The following TDRD12 variants were observed in gnomAD, a reference collection of about 807,000 sequenced individuals.
The protein encoded by TDRD12 is tudor domain containing 12.
In TDRD12, 158 loss-of-function variants were observed where a neutral mutation model predicts 133.5. The observed-to-expected ratio is 1.18, with a 90% CI of 1.04 to 1.35. TDRD12 has a LOEUF of 1.35. Ranked by LOEUF, TDRD12 falls within the 40% of genes most tolerant of loss-of-function variation. The pLI is 0.00. For synonymous variants in TDRD12, 460 were observed against 477.9 expected, an observed-to-expected ratio of 0.96 and a Z score of 0.49; for missense variants, 1,443 against 1,321.3, an observed-to-expected ratio of 1.09 and a Z score of -1.43.
chr19:32,797,900 C>G lies in TDRD12; in HGVS notation c.1630+9C>G, dbSNP rs1250343953. ...AAAGCTTCCAAGGGGCTGTAAGTATCCTTTTCAAGCGGCTATAAAAGTTAA... is the reference window on the plus strand; with the variant it reads ...AAAGCTTCCAAGGGGCTGTAAGTATGCTTTTCAAGCGGCTATAAAAGTTAA... On this transcript the variant is annotated intron_variant, in intron 15 of 27. Coordinates refer to ENST00000444215, the Ensembl canonical transcript of TDRD12. 1 of 682,226 alleles carries G rather than the reference C, an allele frequency of 1.5e-6. No homozygotes were observed. Among genetic ancestry groups the G allele is most frequent in the Non-Finnish European group, 2.6e-6 (1 of 379,130 alleles). The allele number at this position is 682,226 out of a possible 1,614,324, so 42.3% of individuals were successfully genotyped here.
chr19:32,756,966 T>C, intron 7 of TDRD12, 72 bp from the exon 8 acceptor site: 4 of 1,277,624 alleles, frequency 3.1e-6, no homozygotes, highest in South Asian at 1.3e-5. Flanking sequence ...AGAAGTAATG[T>C]ACTAACGAGT....
At chr19:32,781,144 C>T (rs1036333488) in intron 11 of TDRD12, among the ~76,000 whole-genome samples, 10 of 152,004 alleles carry the variant, frequency 6.6e-5, no homozygotes, top group African/African-American at 1.7e-4. Flanking sequence ...GGGGTTTCAC[C>T]GTGTTAGCCA....
intron 26 of TDRD12, among the ~76,000 whole-genome samples, chr19:32,816,597 G>A (rs1467297667): frequency 2.0e-5 from 3 of 152,276 alleles, no homozygotes; most frequent in African/African-American, 4.8e-5. Flanking sequence ...AAACATTACC[G>A]TACATGTCTT....
intron 8 of TDRD12, among the ~76,000 whole-genome samples, chr19:32,762,426 TGAAAA>T (rs1371855116): frequency 1.3e-5 from 2 of 152,206 alleles, no homozygotes; most frequent in African/African-American, 4.8e-5. Context: ...CACCATTTGT[TGAAAA>T]GAGAAGGTTG....
intron 13 of TDRD12, among the ~76,000 whole-genome samples, chr19:32,793,185 C>CAATAAT (rs36078920): frequency 3.3e-5 from 5 of 149,338 alleles, no homozygotes; most frequent in African/African-American, 4.9e-5. Context: ...ACTCTGTCTA[C>CAATAAT]AATAATAATA....
chr19:32,756,285 C>G, intron 7 of TDRD12, 104 bp downstream of exon 7: 1 of 984,520 alleles, frequency 1.0e-6, no homozygotes, highest in South Asian at 3.1e-5. Context: ...GAGACAAAGA[C>G]TTGGACTCTG....
chr19:32,796,070 C>A, intron 14 of TDRD12: 1 of 691,528 alleles, frequency 1.4e-6, no homozygotes, highest in Non-Finnish European at 1.8e-6. Context: ...AAGAGAGGAG[C>A]GGTGTGAAGG....
chr19:32,808,615 C>T (rs886342243), intron 22 of TDRD12, among the ~76,000 whole-genome samples: 2 of 152,188 alleles, frequency 1.3e-5, no homozygotes, highest in African/African-American at 4.8e-5. Flanking sequence ...ACCCTGTTTT[C>T]AAGTCAGGTC....
intron 8 of TDRD12, among the ~76,000 whole-genome samples, chr19:32,758,485 T>C (rs1409901172): frequency 6.6e-6 from 1 of 152,154 alleles, no homozygotes; most frequent in Non-Finnish European, 1.5e-5. Flanking sequence ...GTCTGTGTAT[T>C]ACCCGAGACT....
chr19:32,817,010 C>A (rs1255680696), intron 26 of TDRD12, among the ~76,000 whole-genome samples: 1 of 152,088 alleles, frequency 6.6e-6, no homozygotes, highest in African/African-American at 2.4e-5. Flanking sequence ...AAAACACGCA[C>A]CAAGTGTGGG....
At chr19:32,754,688 T>C (rs1969939492) in intron 6 of TDRD12, among the ~76,000 whole-genome samples, 1 of 145,314 alleles carries the variant, frequency 6.9e-6, no homozygotes, top group Non-Finnish European at 1.5e-5. Flanking sequence ...TTTTTTTTTT[T>C]TTTTTGAGAT....
exon 19 of TDRD12, chr19:32,801,867 A>C: frequency 7.9e-7 from 1 of 1,259,476 alleles, no homozygotes; most frequent in African/African-American, 1.5e-5. Context: ...CTCTCAAATT[A>C]TATTAGGTAA....
intron 8 of TDRD12, among the ~76,000 whole-genome samples, chr19:32,761,768 C>A (rs960622413): frequency 5.9e-5 from 9 of 152,078 alleles, no homozygotes; most frequent in South Asian, 2.1e-4. Context: ...CAGCTCATGG[C>A]AACCTCTGCC....
intron 6 of TDRD12, among the ~76,000 whole-genome samples, chr19:32,750,219 C>T (rs2145518351): frequency 6.6e-6 from 1 of 152,176 alleles, no homozygotes; most frequent in South Asian, 2.1e-4. Flanking sequence ...ATGTAACGTG[C>T]TTGCTGTAAA....
intron 14 of TDRD12, among the ~76,000 whole-genome samples, chr19:32,795,868 C>T (rs571318991): frequency 1.3e-5 from 2 of 152,176 alleles, no homozygotes; most frequent in South Asian, 4.2e-4. Context: ...GGGGAGGTGC[C>T]ACATACCTTT....
At chr19:32,727,946 G>C (rs958387037) in intron 1 of TDRD12, among the ~76,000 whole-genome samples, 1 of 152,162 alleles carries the variant, frequency 6.6e-6, no homozygotes, top group Non-Finnish European at 1.5e-5. Flanking sequence ...GGGATTACAG[G>C]TGTGAGCCAT....
chr19:32,798,266 C>G (rs376773670), intron 15 of TDRD12, 42 bp from the exon 16 acceptor site: 1 of 1,512,672 alleles, frequency 6.6e-7, no homozygotes, highest in East Asian at 2.5e-5. Flanking sequence ...TTAGAAAAAC[C>G]TGTGGAAAAT....
chr19:32,794,563 A>C, intron 13 of TDRD12, 65 bp from the exon 14 acceptor site: 1 of 676,074 alleles, frequency 1.5e-6, no homozygotes, highest in East Asian at 2.7e-5. Flanking sequence ...GAAATGAGCC[A>C]TGCAATGGAG....
chr19:32,767,283 T>C (rs1970327256), intron 8 of TDRD12, among the ~76,000 whole-genome samples: 2 of 151,480 alleles, frequency 1.3e-5, no homozygotes, highest in Admixed American at 1.3e-4. Flanking sequence ...TGTGCACCAC[T>C]ATGCCCGGCT....
Sources: gnomAD v4.1 joint callset for allele counts (sites outside exome capture counted in the v4.1 genomes callset) on GRCh38, gnomAD v4.1.1 for gene constraint, MANE v1.5 for transcripts, NCBI Gene and HGNC (gene_info 2026-07-23, HGNC 2026-07-21) for gene names.